CNTNAP5: variants seen among roughly 807,000 people sequenced by gnomAD.
The protein encoded by CNTNAP5 is contactin associated protein family member 5, also known as contactin-associated protein-like 5.
CNTNAP5 carries 72 observed loss-of-function variants against 150.2 expected under a neutral mutation model. The ratio of observed to expected loss-of-function variants is 0.48; its 90% confidence interval spans 0.40 to 0.58. The LOEUF is 0.58. CNTNAP5 is among the 20% of genes least tolerant of loss of function. The pLI is 0.00. For missense variants in CNTNAP5, 1,636 were observed against 1,626.2 expected, an observed-to-expected ratio of 1.01 and a Z score of -0.10; for synonymous variants, 672 against 619.8, an observed-to-expected ratio of 1.08 and a Z score of -1.25.
chr2:124,598,992 C>T (rs1431524739), intron 11 of CNTNAP5, among the ~76,000 whole-genome samples: 5 of 152,072 alleles, frequency 3.3e-5, no homozygotes, highest in African/African-American at 1.2e-4. Flanking sequence ...ATGCCTCGCC[C>T]TGCTTCGGCT....
chr2:124,404,631 C>T (rs1200358099), intron 3 of CNTNAP5, among the ~76,000 whole-genome samples: 1 of 152,226 alleles, frequency 6.6e-6, no homozygotes, highest in Non-Finnish European at 1.5e-5. Flanking sequence ...CTGACTGATA[C>T]TCTTTTCTTT....
chr2:124,569,835 C>T (rs913606029), intron 11 of CNTNAP5, among the ~76,000 whole-genome samples: 1 of 152,184 alleles, frequency 6.6e-6, no homozygotes, highest in Non-Finnish European at 1.5e-5. Context: ...AGTCATCTGG[C>T]TATCAGATGT....
At chr2:124,912,766 G>T (rs1174547233) in intron 23 of CNTNAP5, among the ~76,000 whole-genome samples, 1 of 152,050 alleles carries the variant, frequency 6.6e-6, no homozygotes, top group African/African-American at 2.4e-5. Context: ...TTTAAGGACA[G>T]GGAAGTCATC....
chr2:124,151,012 T>A (rs1684393819), intron 1 of CNTNAP5, among the ~76,000 whole-genome samples: 1 of 152,150 alleles, frequency 6.6e-6, no homozygotes, highest in Non-Finnish European at 1.5e-5. Flanking sequence ...TAGAGATACA[T>A]ATGTGAATAA....
intron 20 of CNTNAP5, among the ~76,000 whole-genome samples, chr2:124,866,453 T>C (rs1238931005): frequency 6.6e-6 from 1 of 152,122 alleles, no homozygotes; most frequent in Middle Eastern, 3.2e-3. Context: ...GGAAGGCATG[T>C]GGTGGAAGCA....
At chr2:124,123,254 T>G (rs1253516080) in intron 1 of CNTNAP5, among the ~76,000 whole-genome samples, 1 of 152,060 alleles carries the variant, frequency 6.6e-6, no homozygotes, top group African/African-American at 2.4e-5. Context: ...GGAGATTATA[T>G]CCCATGCCTG....
intron 3 of CNTNAP5, among the ~76,000 whole-genome samples, chr2:124,248,359 C>T (rs766863485): frequency 4.6e-5 from 7 of 152,206 alleles, no homozygotes; most frequent in Non-Finnish European, 5.9e-5. Context: ...AAAGCCTGGA[C>T]TTCACTATGA....
intron 13 of CNTNAP5, among the ~76,000 whole-genome samples, chr2:124,653,055 A>T (rs1331872840): frequency 1.3e-5 from 2 of 152,300 alleles, no homozygotes; most frequent in East Asian, 3.9e-4. Context: ...TGCCGTGAGG[A>T]TTGTGTAAGT....
chr2:124,400,710 G>A (rs1047157686), intron 3 of CNTNAP5, among the ~76,000 whole-genome samples: 7 of 132,336 alleles, frequency 5.3e-5, no homozygotes, highest in African/African-American at 2.1e-4. Context: ...TTAGTGGAAT[G>A]TGAAAAGTGT....
intron 6 of CNTNAP5, among the ~76,000 whole-genome samples, chr2:124,461,590 G>A (rs1344631026): frequency 2.6e-5 from 4 of 151,662 alleles, no homozygotes; most frequent in Admixed American, 1.3e-4. Flanking sequence ...TGACGAGTTA[G>A]TGGGTGCAGC....
At chr2:124,616,442 C>T (rs1677495232) in intron 12 of CNTNAP5, among the ~76,000 whole-genome samples, 1 of 152,202 alleles carries the variant, frequency 6.6e-6, no homozygotes, top group Non-Finnish European at 1.5e-5. Flanking sequence ...GGGTTAGGGC[C>T]TTGCTCTGGG....
intron 3 of CNTNAP5, among the ~76,000 whole-genome samples, chr2:124,375,912 A>G (rs1690636337): frequency 6.6e-6 from 1 of 152,102 alleles, no homozygotes; most frequent in Non-Finnish European, 1.5e-5. Flanking sequence ...AATATTCCAA[A>G]TGCTTTGATG....
intron 1 of CNTNAP5, among the ~76,000 whole-genome samples, chr2:124,157,550 G>C (rs1684575131): frequency 6.6e-6 from 1 of 151,962 alleles, no homozygotes; most frequent in Non-Finnish European, 1.5e-5. Context: ...TTGTTTTTCT[G>C]TAGTTAAAAT....
intron 3 of CNTNAP5, among the ~76,000 whole-genome samples, chr2:124,363,347 C>A (rs2104718107): frequency 6.6e-6 from 1 of 152,214 alleles, no homozygotes; most frequent in South Asian, 2.1e-4. Context: ...AGTCTCCAAA[C>A]AGACTCCCCT....
chr2:124,078,047 G>A (rs1169082701), intron 1 of CNTNAP5, among the ~76,000 whole-genome samples: 5 of 152,108 alleles, frequency 3.3e-5, no homozygotes, highest in Admixed American at 3.3e-4. Context: ...GTTGACTCAG[G>A]AAATAAAATA....
At chr2:124,248,331 T>C (rs1047509340) in intron 3 of CNTNAP5, among the ~76,000 whole-genome samples, 3 of 152,192 alleles carry the variant, frequency 2.0e-5, no homozygotes, top group Non-Finnish European at 4.4e-5. Context: ...TGGGTTGCAA[T>C]GTGAAATACA....
intron 19 of CNTNAP5, among the ~76,000 whole-genome samples, chr2:124,864,055 C>G (rs1412559119): frequency 1.3e-5 from 2 of 152,102 alleles, no homozygotes; most frequent in Non-Finnish European, 2.9e-5. Flanking sequence ...CAGCAAGCAG[C>G]ATGCAGTTGG....
chr2:124,506,888 C>T (rs545441548), intron 8 of CNTNAP5, among the ~76,000 whole-genome samples: 3 of 152,254 alleles, frequency 2.0e-5, no homozygotes, highest in South Asian at 2.1e-4. Flanking sequence ...GATCTGCTTC[C>T]GCACTCACTC....
At chr2:124,553,986 A>G (rs1019064518) in intron 10 of CNTNAP5, among the ~76,000 whole-genome samples, 1 of 152,220 alleles carries the variant, frequency 6.6e-6, no homozygotes, top group Non-Finnish European at 1.5e-5. Flanking sequence ...GGTGCCTGCA[A>G]AGGATGATTT....
Sources: gnomAD v4.1 joint callset for allele counts (sites outside exome capture counted in the v4.1 genomes callset) on GRCh38, gnomAD v4.1.1 for gene constraint, MANE v1.5 for transcripts, NCBI Gene and HGNC (gene_info 2026-07-23, HGNC 2026-07-21) for gene names.